Variants in TRIM5 observed in about 807,000 individuals in gnomAD.
The protein encoded by TRIM5 is tripartite motif-containing protein 5.
A neutral mutation model predicts 35.6 loss-of-function variants in TRIM5; 31 were observed. That is an observed-to-expected ratio of 0.87 (90% CI 0.65 to 1.18). The LOEUF is 1.18. TRIM5 is among the 50% of genes most tolerant of loss of function. The pLI, the probability that TRIM5 is intolerant of heterozygous loss-of-function variation, is 0.00. For missense variants in TRIM5, 609 were observed against 591.6 expected (o/e 1.03, Z -0.31); for synonymous variants, 243 against 215.6 (o/e 1.13, Z -1.11).
the TRIM5 span, chr11:5,603,248 T>C: frequency 1.2e-6 from 2 of 1,613,158 alleles, no homozygotes; most frequent in South Asian, 2.2e-5. Context: ...CTACCTAGGA[T>C]TCTACAGGCA....
At chr11:5,604,041 G>A in the TRIM5 span, among the ~76,000 whole-genome samples, 1 of 152,082 alleles carries the variant, frequency 6.6e-6, no homozygotes, top group Non-Finnish European at 1.5e-5. Context: ...TGTCGCCCAG[G>A]TTGGAGTGCA....
At chr11:5,603,334 G>A in the TRIM5 span, 5 of 1,614,098 alleles carry the variant, frequency 3.1e-6, no homozygotes, top group Middle Eastern at 1.6e-4. Context: ...AGTACTGGTG[G>A]ACATACGAGA....
At chr11:5,627,865 C>T in the TRIM5 span, among the ~76,000 whole-genome samples, 6 of 152,174 alleles carry the variant, frequency 3.9e-5, no homozygotes, top group Non-Finnish European at 8.8e-5. Context: ...AAAAGTCACT[C>T]GTAGAGACAC....
the TRIM5 span, among the ~76,000 whole-genome samples, chr11:5,608,989 C>A: frequency 6.6e-6 from 1 of 151,420 alleles, no homozygotes; most frequent in Non-Finnish European, 1.5e-5. Flanking sequence ...TTCTCAAGGT[C>A]TAAGAATTTG....
the TRIM5 span, chr11:5,603,637 CAGG>C: frequency 1.9e-6 from 3 of 1,613,390 alleles, no homozygotes; most frequent in Non-Finnish European, 2.5e-6. Context: ...GCTCTTCTGT[CAGG>C]AGGATGGGAA....
At chr11:5,604,662 G>A in the TRIM5 span, 1 of 1,601,672 alleles carries the variant, frequency 6.2e-7, no homozygotes, top group Non-Finnish European at 8.5e-7. Flanking sequence ...ATGTCCTGGG[G>A]CAGGAATCAT....
chr11:5,628,214 C>T, the TRIM5 span, among the ~76,000 whole-genome samples: 1,112 of 152,324 alleles, frequency 7.3e-3, 13 homozygotes, highest in African/African-American at 0.026. Context: ...AGTCACAGCC[C>T]GTGGCAGAAT....
chr11:5,615,830 T>TGATCCACCCGC, the TRIM5 span, among the ~76,000 whole-genome samples: 2 of 151,926 alleles, frequency 1.3e-5, no homozygotes, highest in Non-Finnish European at 1.5e-5. Flanking sequence ...TGACCTCAGG[T>TGATCCACCCGC]GATCCACCCG....
the TRIM5 span, chr11:5,610,324 G>C: frequency 6.3e-7 from 1 of 1,599,802 alleles, no homozygotes; most frequent in Non-Finnish European, 8.5e-7. Flanking sequence ...GGCTATAGTC[G>C]GTATTTGAGC....
the TRIM5 span, among the ~76,000 whole-genome samples, chr11:5,604,163 TGTGTGTGTGTGTGC>T: frequency 2.1e-5 from 3 of 142,600 alleles, no homozygotes; most frequent in South Asian, 2.2e-4. Context: ...CCCAGCTAAT[TGTGTGTGTGTGTGC>T]GTGTGTGTGT....
the TRIM5 span, among the ~76,000 whole-genome samples, chr11:5,629,859 C>T: frequency 2.0e-5 from 3 of 152,162 alleles, no homozygotes; most frequent in Admixed American, 6.5e-5. Flanking sequence ...AGGCGCCCGC[C>T]GCCACCCCTG....
At chr11:5,613,157 C>G in the TRIM5 span, among the ~76,000 whole-genome samples, 294 of 152,310 alleles carry the variant, frequency 1.9e-3, 2 homozygotes, top group African/African-American at 6.6e-3. Flanking sequence ...GAACCTGCAC[C>G]TTCCCAGCTG....
chr11:5,611,137 C>T, the TRIM5 span: 1 of 1,614,148 alleles, frequency 6.2e-7, no homozygotes, highest in Non-Finnish European at 8.5e-7. Context: ...TCTTCCCCTT[C>T]CCTGCTTCTC....
the TRIM5 span, among the ~76,000 whole-genome samples, chr11:5,592,898 C>G: frequency 9.0e-6 from 1 of 110,596 alleles, no homozygotes; most frequent in African/African-American, 3.6e-5. Flanking sequence ...GCCTGGGCAA[C>G]AGAGTGAGAT....
the TRIM5 span, among the ~76,000 whole-genome samples, chr11:5,646,498 C>T: frequency 1.2e-4 from 18 of 152,190 alleles, no homozygotes; most frequent in Non-Finnish European, 2.2e-4. Flanking sequence ...CACCTGCCAC[C>T]ACTAGACTAC....
chr11:5,670,192 T>TTA (rs1554931755), intron 4 of TRIM5, among the ~76,000 whole-genome samples: 4 of 139,550 alleles, frequency 2.9e-5, no homozygotes, highest in African/African-American at 1.1e-4. Flanking sequence ...TTTTTTTTTT[T>TTA]TTTGAGATGG....
intron 4 of TRIM5, among the ~76,000 whole-genome samples, chr11:5,673,651 T>C (rs1851731031): frequency 6.6e-6 from 1 of 152,136 alleles, no homozygotes; most frequent in Non-Finnish European, 1.5e-5. Flanking sequence ...ATAAAACATT[T>C]TCCTGCTCAT....
chr11:5,634,936 T>A, the TRIM5 span: 4 of 1,514,922 alleles, frequency 2.6e-6, no homozygotes, highest in Non-Finnish European at 3.6e-6. Context: ...ATCCTGGTGG[T>A]GACACTAAGG....
chr11:5,605,264 CT>C, the TRIM5 span: 5 of 1,604,930 alleles, frequency 3.1e-6, no homozygotes, highest in Admixed American at 1.7e-5. Flanking sequence ...CTGAGCCCAA[CT>C]TCCCCGCTTT....
Sources: allele counts gnomAD v4.1 joint callset (sites outside exome capture counted in the v4.1 genomes callset), GRCh38; gene constraint gnomAD v4.1.1; transcripts MANE v1.5; gene names NCBI Gene and HGNC (gene_info 2026-07-23, HGNC 2026-07-21).